The following DISC1 variants were observed in gnomAD, a reference collection of about 807,000 sequenced individuals.
The protein encoded by DISC1 is disrupted in schizophrenia 1 protein.
Under a neutral mutation model 84.5 loss-of-function variants are expected in DISC1, and 57 were observed. That is an observed-to-expected ratio of 0.67 (90% CI 0.55 to 0.84). The LOEUF is 0.84. Ranked by LOEUF, DISC1 falls within the 40% of genes least tolerant of loss-of-function variation. The pLI is 0.00. For missense variants in DISC1, 1,000 were observed against 1,057.8 expected (o/e 0.95, Z 0.76); for synonymous variants, 411 against 415.2 (o/e 0.99, Z 0.12).
intron 9 of DISC1, chr1:231,854,613 G>A (rs367885789): frequency 6.6e-6 from 1 of 152,284 alleles, no homozygotes; most frequent in Non-Finnish European, 1.5e-5. Context: ...AAAGATTCAA[G>A]TTTGTATCCT....
intron 1 of DISC1, among the ~76,000 whole-genome samples, chr1:231,627,174 A>G (rs1312172825): frequency 6.6e-6 from 1 of 152,112 alleles, no homozygotes; most frequent in Non-Finnish European, 1.5e-5. Flanking sequence ...CTGTGCAGCG[A>G]TCCCCGGGAC....
At chr1:232,030,681 G>C (rs137878029) in intron 12 of DISC1, among the ~76,000 whole-genome samples, 1,743 of 152,284 alleles carry the variant, frequency 0.011, 29 homozygotes, top group African/African-American at 0.039. Flanking sequence ...CCAAATTTTA[G>C]CGTGAACAGA....
chr1:231,837,158 A>G (rs2082684386), intron 9 of DISC1, among the ~76,000 whole-genome samples: 1 of 152,204 alleles, frequency 6.6e-6, no homozygotes, highest in Non-Finnish European at 1.5e-5. Context: ...TGAGCCCCAA[A>G]GTAGAAGCTT....
intron 1 of DISC1, among the ~76,000 whole-genome samples, chr1:231,659,946 C>T (rs1441541578): frequency 1.3e-5 from 2 of 152,142 alleles, no homozygotes; most frequent in Non-Finnish European, 2.9e-5. Flanking sequence ...AATGTATATT[C>T]TGCTGTTTTG....
chr1:232,023,230 A>G (rs1669130683), intron 11 of DISC1, among the ~76,000 whole-genome samples: 1 of 152,192 alleles, frequency 6.6e-6, no homozygotes, highest in African/African-American at 2.4e-5. Flanking sequence ...GAGTTATTTC[A>G]TCATCATTAA....
chr1:231,783,721 G>A (rs2077604691), intron 6 of DISC1, among the ~76,000 whole-genome samples: 1 of 152,182 alleles, frequency 6.6e-6, no homozygotes. Context: ...CGGGGTGAGG[G>A]TGTGAACGCG....
chr1:231,812,399 G>C (rs1218255790), intron 8 of DISC1, among the ~76,000 whole-genome samples: 1 of 152,146 alleles, frequency 6.6e-6, no homozygotes, highest in Non-Finnish European at 1.5e-5. Flanking sequence ...TTGGAACAGA[G>C]TGGGTAAAGT....
At position 231,796,474 on chromosome 1, in the gene DISC1, C is replaced by T. The variant is rs540454256; in HGVS notation, c.1689+1178C>T. ...GTCTTGGACCCTAGATCAGGAAACA[C>T]GCCAAGGGATCACCGCAGCTAAGCC... On this transcript the variant is annotated intron_variant, in intron 7 of 12. Coordinates refer to ENST00000439617, the MANE Select transcript of DISC1 (RefSeq NM_018662.3). Among the ~76,000 whole-genome samples, 7 of 152,116 alleles carry T rather than the reference C, an allele frequency of 4.6e-5. No individual in the cohort carries two copies. In the South Asian group the frequency reaches 8.3e-4, roughly 18 times the overall value.
At chr1:231,677,335 G>C (rs184852235) in intron 1 of DISC1, among the ~76,000 whole-genome samples, 4 of 152,258 alleles carry the variant, frequency 2.6e-5, no homozygotes, top group South Asian at 4.1e-4. Flanking sequence ...TTTAACTGAT[G>C]AACAGATTTT....
intron 3 of DISC1, among the ~76,000 whole-genome samples, chr1:231,746,264 T>G (rs537635059): frequency 6.6e-6 from 1 of 152,392 alleles, no homozygotes; most frequent in South Asian, 2.1e-4. Flanking sequence ...TCCATTCATG[T>G]TGCCAAGAAT....
At chr1:231,912,573 G>A (rs910889406) in intron 9 of DISC1, among the ~76,000 whole-genome samples, 34 of 152,272 alleles carry the variant, frequency 2.2e-4, no homozygotes, top group African/African-American at 7.9e-4. Flanking sequence ...TGGCCATATG[G>A]GGTGTCAGTC....
chr1:231,670,769 G>C (rs762907861), intron 1 of DISC1: 2 of 152,146 alleles, frequency 1.3e-5, no homozygotes, highest in Non-Finnish European at 2.9e-5. Context: ...CTCCCCAGTA[G>C]TCCTTTCATA....
chr1:231,933,421 A>G (rs144523869), intron 9 of DISC1, among the ~76,000 whole-genome samples: 81 of 152,330 alleles, frequency 5.3e-4, no homozygotes, highest in African/African-American at 1.8e-3. Flanking sequence ...CACAAAATAA[A>G]TAATCCAGCC....
intron 9 of DISC1, chr1:231,819,304 G>A (rs1199490894): frequency 1.0e-5 from 3 of 297,904 alleles, no homozygotes; most frequent in Non-Finnish European, 1.5e-5. Context: ...AACCAGATTT[G>A]AAATAGGGCT....
chr1:231,854,433 C>A (rs1292027562), intron 9 of DISC1, among the ~76,000 whole-genome samples: 3 of 152,164 alleles, frequency 2.0e-5, no homozygotes, highest in African/African-American at 7.2e-5. Flanking sequence ...AATATACCTA[C>A]TAATATCCAT....
chr1:231,785,525 C>T (rs2077784536), intron 6 of DISC1, among the ~76,000 whole-genome samples: 1 of 151,940 alleles, frequency 6.6e-6, no homozygotes, highest in African/African-American at 2.4e-5. Context: ...AACTCCCGCG[C>T]TCAAGTGATC....
chr1:232,029,797 C>T (rs1222725681), intron 12 of DISC1, among the ~76,000 whole-genome samples: 1 of 152,180 alleles, frequency 6.6e-6, no homozygotes, highest in Non-Finnish European at 1.5e-5. Context: ...TACATAAGGG[C>T]TATTAGTGTG....
chr1:231,938,665 GTGTT>G (rs2091122908), intron 9 of DISC1, among the ~76,000 whole-genome samples: 1 of 152,156 alleles, frequency 6.6e-6, no homozygotes, highest in Non-Finnish European at 1.5e-5. Flanking sequence ...CCAATCATTC[GTGTT>G]GTTTTAATCT....
intron 9 of DISC1, among the ~76,000 whole-genome samples, chr1:231,860,890 G>A (rs1484434454): frequency 6.6e-6 from 1 of 152,176 alleles, no homozygotes; most frequent in Non-Finnish European, 1.5e-5. Context: ...ACAGTAACCT[G>A]TGTCAGCAGA....
Sources: gnomAD v4.1 joint callset for allele counts (sites outside exome capture counted in the v4.1 genomes callset) on GRCh38, gnomAD v4.1.1 for gene constraint, MANE v1.5 for transcripts, NCBI Gene and HGNC (gene_info 2026-07-23, HGNC 2026-07-21) for gene names.